The following PALLD variants were observed in gnomAD, a reference collection of about 807,000 sequenced individuals.
PALLD encodes palladin, cytoskeletal associated protein.
A neutral mutation model predicts 123.5 loss-of-function variants in PALLD; 61 were observed. The observed-to-expected ratio is 0.49, with a 90% CI of 0.40 to 0.61. The LOEUF is 0.61. PALLD is among the 20% of genes least tolerant of loss of function. PALLD has a pLI of 0.00. For missense variants in PALLD, 1,273 were observed against 1,377.0 expected (o/e 0.92, Z 1.20); for synonymous variants, 465 against 496.4 (o/e 0.94, Z 0.84).
At chr4:168,884,813 G>A (rs1248728364) in intron 10 of PALLD, among the ~76,000 whole-genome samples, 2 of 152,110 alleles carry the variant, frequency 1.3e-5, no homozygotes, top group African/African-American at 4.8e-5. Context: ...TCTTGTCTCT[G>A]TGACTTACTT....
chr4:168,854,043 C>T (rs1581771779), intron 10 of PALLD, among the ~76,000 whole-genome samples: 1 of 152,126 alleles, frequency 6.6e-6, no homozygotes, highest in African/African-American at 2.4e-5. Flanking sequence ...TCTGTGGGTT[C>T]TATTATTACC....
chr4:168,601,177 TA>T (rs1357728004), intron 2 of PALLD, among the ~76,000 whole-genome samples: 1 of 151,916 alleles, frequency 6.6e-6, no homozygotes, highest in Non-Finnish European at 1.5e-5. Context: ...GTTAATTCAG[TA>T]AAAAAATCTA....
intron 2 of PALLD, among the ~76,000 whole-genome samples, chr4:168,665,657 C>T (rs1779575203): frequency 6.6e-6 from 1 of 152,198 alleles, no homozygotes; most frequent in Non-Finnish European, 1.5e-5. Context: ...TGGTCCAGAA[C>T]TTATCAGACC....
intron 10 of PALLD, among the ~76,000 whole-genome samples, chr4:168,820,522 G>C (rs975655987): frequency 9.2e-5 from 14 of 152,112 alleles, no homozygotes; most frequent in Non-Finnish European, 2.1e-4. Flanking sequence ...TGGAGAAATA[G>C]TGCCAGTTAT....
chr4:168,504,816 C>A (rs1405115279), intron 1 of PALLD: 1 of 152,170 alleles, frequency 6.6e-6, no homozygotes, highest in Non-Finnish European at 1.5e-5. Flanking sequence ...ATTTCAAAAT[C>A]TTTCAATGCT....
intron 2 of PALLD, among the ~76,000 whole-genome samples, chr4:168,612,663 C>T (rs765752432): frequency 1.3e-5 from 2 of 152,232 alleles, no homozygotes; most frequent in African/African-American, 4.8e-5. Flanking sequence ...TCTGTCTCAA[C>T]ACAGTGACTC....
At chr4:168,562,857 A>G (rs1200494125) in intron 2 of PALLD, among the ~76,000 whole-genome samples, 1 of 152,150 alleles carries the variant, frequency 6.6e-6, no homozygotes, top group African/African-American at 2.4e-5. Flanking sequence ...GAGAAGAGTG[A>G]TCTAAGTTTT....
intron 2 of PALLD, among the ~76,000 whole-genome samples, chr4:168,536,323 TC>T (rs999032006): frequency 2.0e-5 from 3 of 152,166 alleles, no homozygotes; most frequent in African/African-American, 7.2e-5. Context: ...AACAAGGTTT[TC>T]CCTCTGTTTA....
chr4:168,885,643 A>G (rs971365465), intron 10 of PALLD, among the ~76,000 whole-genome samples: 1 of 152,204 alleles, frequency 6.6e-6, no homozygotes, highest in African/African-American at 2.4e-5. Context: ...CAGATTTGCA[A>G]TGTAATATGT....
chr4:168,808,470 A>G (rs1038241011), intron 10 of PALLD, among the ~76,000 whole-genome samples: 2 of 152,160 alleles, frequency 1.3e-5, no homozygotes, highest in African/African-American at 2.4e-5. Context: ...ACAGAGCGAG[A>G]CTCCATCTCA....
intron 2 of PALLD, among the ~76,000 whole-genome samples, chr4:168,555,676 T>C (rs751532626): frequency 3.3e-5 from 5 of 152,230 alleles, no homozygotes; most frequent in Non-Finnish European, 7.3e-5. Flanking sequence ...CAAAAGTAAG[T>C]AGACCAGCTG....
At chr4:168,618,906 A>T (rs2149791122) in intron 2 of PALLD, among the ~76,000 whole-genome samples, 2 of 152,334 alleles carry the variant, frequency 1.3e-5, no homozygotes, top group South Asian at 4.1e-4. Context: ...TTCCACATGG[A>T]TCCTCTCTGT....
chr4:168,525,343 G>C lies in PALLD; in HGVS notation c.908+12931G>C, dbSNP rs1763941988. ...AGATTGAAGAAATCAAATTAACTTT[G>C]GAACGAGAGATTGTCGTCATAGCCT... On this transcript the variant is annotated intron_variant, in intron 2 of 21. Coordinates refer to ENST00000505667, the MANE Select transcript of PALLD (RefSeq NM_001166108.2). 2.0e-5 allele frequency among the ~76,000 whole-genome samples: 3 copies of C among 152,214 alleles called. No individual in the cohort carries two copies. The South Asian group carries it at 6.2e-4, about 32-fold the overall frequency.
chr4:168,653,212 A>T (rs1230598552), intron 2 of PALLD, among the ~76,000 whole-genome samples: 2 of 152,182 alleles, frequency 1.3e-5, no homozygotes, highest in Non-Finnish European at 2.9e-5. Context: ...AATTCCTTCA[A>T]CATAGACCTA....
chr4:168,557,911 A>G (rs576936629), intron 2 of PALLD, among the ~76,000 whole-genome samples: 20 of 152,224 alleles, frequency 1.3e-4, no homozygotes, highest in East Asian at 9.7e-4. Context: ...GGATGTGGGA[A>G]AGGGAGGGAA....
At chr4:168,665,068 G>C (rs1250527748) in intron 2 of PALLD, among the ~76,000 whole-genome samples, 2 of 152,166 alleles carry the variant, frequency 1.3e-5, no homozygotes, top group African/African-American at 2.4e-5. Flanking sequence ...TTCACAAAAT[G>C]ATGTAGAAAA....
At chr4:168,915,072 G>C (rs1759830372) in intron 16 of PALLD, among the ~76,000 whole-genome samples, 1 of 152,084 alleles carries the variant, frequency 6.6e-6, no homozygotes, top group Non-Finnish European at 1.5e-5. Flanking sequence ...TTATATCAGT[G>C]GGTCCTGGAA....
At chr4:168,576,798 A>G (rs1235811298) in intron 2 of PALLD, among the ~76,000 whole-genome samples, 2 of 152,154 alleles carry the variant, frequency 1.3e-5, no homozygotes, top group Admixed American at 1.3e-4. Flanking sequence ...TAGATCCCTG[A>G]GGAATTGCCA....
At chr4:168,714,931 T>A (rs1458206153) in intron 10 of PALLD, among the ~76,000 whole-genome samples, 2 of 151,272 alleles carry the variant, frequency 1.3e-5, no homozygotes, top group East Asian at 1.9e-4. Flanking sequence ...AAAAAAAAAA[T>A]TCAAGAATGA....
Sources: gnomAD v4.1 joint callset for allele counts (sites outside exome capture counted in the v4.1 genomes callset) on GRCh38, gnomAD v4.1.1 for gene constraint, MANE v1.5 for transcripts, NCBI Gene and HGNC (gene_info 2026-07-23, HGNC 2026-07-21) for gene names.